SCHIP1: variants seen among roughly 807,000 people sequenced by gnomAD.
SCHIP1 encodes schwannomin interacting protein 1.
In SCHIP1, 8 loss-of-function variants were observed where a neutral mutation model predicts 29.7. The ratio of observed to expected loss-of-function variants is 0.27; its 90% CI spans 0.16 to 0.49. The LOEUF is 0.49. SCHIP1 is among the 20% of genes least tolerant of loss of function. The pLI is 0.99. For synonymous variants in SCHIP1, 76 were observed against 94.9 expected, an observed-to-expected ratio of 0.80 and a Z score of 1.16; for missense variants, 193 against 294.6, an observed-to-expected ratio of 0.66 and a Z score of 2.52.
the SCHIP1 span, among the ~76,000 whole-genome samples, chr3:159,720,417 T>C: frequency 1.3e-5 from 2 of 151,918 alleles, no homozygotes; most frequent in Non-Finnish European, 1.5e-5. Context: ...AAGTAAAAAT[T>C]GAATAACTTA....
chr3:159,667,016 C>T, the SCHIP1 span, among the ~76,000 whole-genome samples: 1 of 152,202 alleles, frequency 6.6e-6, no homozygotes, highest in Non-Finnish European at 1.5e-5. Flanking sequence ...CATGATCTGC[C>T]TGTGAGAGTG....
chr3:159,756,076 GT>G, the SCHIP1 span, among the ~76,000 whole-genome samples: 1 of 152,228 alleles, frequency 6.6e-6, no homozygotes, highest in Non-Finnish European at 1.5e-5. Context: ...CCATTCTGGG[GT>G]CTGGAAGATG....
the SCHIP1 span, among the ~76,000 whole-genome samples, chr3:159,367,692 C>G: frequency 2.7e-3 from 407 of 152,174 alleles, 4 homozygotes; most frequent in African/African-American, 8.7e-3. Context: ...ATTTTTTTCT[C>G]TCTCACACAG....
At chr3:159,587,180 C>G in the SCHIP1 span, among the ~76,000 whole-genome samples, 1 of 152,092 alleles carries the variant, frequency 6.6e-6, no homozygotes, top group Non-Finnish European at 1.5e-5. Flanking sequence ...GAAAGCAGTT[C>G]GTAATTTTTA....
the SCHIP1 span, among the ~76,000 whole-genome samples, chr3:159,506,072 G>T: frequency 6.6e-6 from 1 of 152,146 alleles, no homozygotes; most frequent in East Asian, 1.9e-4. Flanking sequence ...TTGAACTAGT[G>T]TACAATCCCA....
At chr3:159,449,340 A>G in the SCHIP1 span, among the ~76,000 whole-genome samples, 8 of 152,270 alleles carry the variant, frequency 5.3e-5, no homozygotes, top group Admixed American at 3.9e-4. Flanking sequence ...CAATAAATGC[A>G]GAAGAGGGAA....
At chr3:159,868,407 C>T (rs1714894051) in intron 2 of SCHIP1, among the ~76,000 whole-genome samples, 1 of 152,062 alleles carries the variant, frequency 6.6e-6, no homozygotes, top group Admixed American at 6.6e-5. Context: ...TTACAGCCCT[C>T]CCAAAGACTG....
the SCHIP1 span, among the ~76,000 whole-genome samples, chr3:159,689,114 GT>G: frequency 6.6e-6 from 1 of 152,132 alleles, no homozygotes; most frequent in African/African-American, 2.4e-5. Flanking sequence ...ATTTAAAGTA[GT>G]TTTTTCTAAT....
the SCHIP1 span, among the ~76,000 whole-genome samples, chr3:159,409,602 A>T: frequency 6.6e-6 from 1 of 152,142 alleles, no homozygotes. Context: ...TTTACAATGA[A>T]AACTATAAAA....
At chr3:159,806,979 T>G in the SCHIP1 span, among the ~76,000 whole-genome samples, 1 of 152,248 alleles carries the variant, frequency 6.6e-6, no homozygotes, top group Non-Finnish European at 1.5e-5. Flanking sequence ...TGTCTCTTAA[T>G]TATGTAAACT....
chr3:159,811,584 C>G, the SCHIP1 span, among the ~76,000 whole-genome samples: 2 of 152,190 alleles, frequency 1.3e-5, no homozygotes, highest in African/African-American at 4.8e-5. Flanking sequence ...GTCAAAAAAT[C>G]AATGGACTAT....
the SCHIP1 span, among the ~76,000 whole-genome samples, chr3:159,611,565 A>G: frequency 6.6e-6 from 1 of 151,906 alleles, no homozygotes; most frequent in South Asian, 2.1e-4. Context: ...ACATTAGGAC[A>G]AATACCTAAT....
chr3:159,375,984 C>T, the SCHIP1 span, among the ~76,000 whole-genome samples: 1 of 152,222 alleles, frequency 6.6e-6, no homozygotes, highest in East Asian at 1.9e-4. Context: ...AATGTGAATT[C>T]TAGAAATGAT....
chr3:159,396,691 C>T, the SCHIP1 span, among the ~76,000 whole-genome samples: 1 of 152,220 alleles, frequency 6.6e-6, no homozygotes, highest in Non-Finnish European at 1.5e-5. Context: ...GAGAGATCCG[C>T]TGTTAGTCTG....
chr3:159,736,941 A>T, the SCHIP1 span, among the ~76,000 whole-genome samples: 1 of 151,750 alleles, frequency 6.6e-6, no homozygotes, highest in Non-Finnish European at 1.5e-5. Flanking sequence ...TCACCATGTT[A>T]GCCAGGATGG....
At chr3:159,305,082 C>G in the SCHIP1 span, among the ~76,000 whole-genome samples, 2 of 152,156 alleles carry the variant, frequency 1.3e-5, no homozygotes, top group Admixed American at 6.5e-5. Flanking sequence ...CCTTCATCCC[C>G]TCTTCCAGCA....
chr3:159,409,822 A>G, the SCHIP1 span, among the ~76,000 whole-genome samples: 1 of 152,182 alleles, frequency 6.6e-6, no homozygotes, highest in Admixed American at 6.5e-5. Context: ...AGCCAAAGCT[A>G]TCCTGAACAA....
chr3:159,571,661 C>T, the SCHIP1 span, among the ~76,000 whole-genome samples: 2 of 152,156 alleles, frequency 1.3e-5, no homozygotes, highest in Non-Finnish European at 2.9e-5. Flanking sequence ...AGGGAGGATT[C>T]CCTCTTTGTC....
At chr3:159,637,371 C>CCACACACACACACACACACA in the SCHIP1 span, among the ~76,000 whole-genome samples, 8 of 134,658 alleles carry the variant, frequency 5.9e-5, no homozygotes, top group African/African-American at 1.1e-4. Context: ...CCGGCCCCAG[C>CCACACACACACACACACACA]CACACACACA....
Sources: allele counts gnomAD v4.1 joint callset (sites outside exome capture counted in the v4.1 genomes callset), GRCh38; gene constraint gnomAD v4.1.1; transcripts MANE v1.5; gene names NCBI Gene and HGNC (gene_info 2026-07-23, HGNC 2026-07-21).